The following HCK variants were observed in gnomAD, a reference collection of about 807,000 sequenced individuals.
HCK encodes the protein HCK proto-oncogene, Src family tyrosine kinase, also known as tyrosine-protein kinase HCK.
A neutral mutation model predicts 70.4 loss-of-function variants in HCK; 40 were observed. The observed-to-expected ratio is 0.57, with a 90% CI of 0.44 to 0.74. The LOEUF is 0.74. Among genes scored for constraint, HCK ranks in the 30% least tolerant of loss-of-function variants. HCK has a pLI of 0.00. For synonymous variants in HCK, 245 were observed against 263.2 expected (o/e 0.93, Z 0.67); for missense variants, 568 against 697.2 (o/e 0.81, Z 2.09).
intron 8 of HCK, 115 bp downstream of exon 8, chr20:32,084,658 G>A (rs547926869): frequency 1.1e-6 from 1 of 922,328 alleles, no homozygotes; most frequent in Non-Finnish European, 1.6e-6. Flanking sequence ...CAGAGGGGGA[G>A]ATTTAAATAA....
intron 1 of HCK, 87 bp from the exon 2 acceptor site, chr20:32,071,575 G>A (rs2045538973): frequency 1.3e-6 from 2 of 1,545,190 alleles, no homozygotes; most frequent in African/African-American, 1.4e-5. Context: ...CAGCCCGGGG[G>A]CAGGGGACCT....
intron 1 of HCK, chr20:32,054,221 A>G: frequency 4.4e-6 from 2 of 456,492 alleles, no homozygotes; most frequent in Non-Finnish European, 8.8e-6. Context: ...CCCAGGGGCA[A>G]CCGCTGTCAT....
At chr20:32,061,462 A>G (rs2045375170) in intron 1 of HCK, among the ~76,000 whole-genome samples, 1 of 152,230 alleles carries the variant, frequency 6.6e-6, no homozygotes, top group Non-Finnish European at 1.5e-5. Context: ...CCGCTGATCA[A>G]TTTCTCCAGT....
Position 32,066,331 on chromosome 20 carries a change from T to TTTTTTTG in HCK, c.63-5331_63-5330insTTTTTTG, listed in dbSNP as rs60044994. On this transcript the variant is annotated intron_variant, in intron 1 of 12. Coordinates refer to ENST00000375852, the MANE Select transcript of HCK (RefSeq NM_002110.5). ...TTTTTTTTTTTTTTTTTTTTTTTTTTGACAGAGTCTTGCTCTGTTTCCCAG... is the reference window on the plus strand; with the variant it reads ...TTTTTTTTTTTTTTTTTTTTTTTTTTTTTTTTGGACAGAGTCTTGCTCTGTTTCCCAG... 7.3e-5 allele frequency among the ~76,000 whole-genome samples: 6 copies of TTTTTTTG among 81,878 alleles called. 2 individuals carry two copies. The highest frequency in any genetic ancestry group is 4.7e-4 in the South Asian group (1 of 2,136). 53.7% of individuals were successfully genotyped at this position (81,878 alleles called of 152,430 possible).
chr20:32,076,196 C>T (rs1227047029), intron 5 of HCK, among the ~76,000 whole-genome samples: 6 of 152,154 alleles, frequency 3.9e-5, no homozygotes, highest in East Asian at 1.9e-4. Context: ...TGTGGTGGTG[C>T]GTGCCTGTAG....
intron 5 of HCK, among the ~76,000 whole-genome samples, chr20:32,075,692 A>C (rs1323836818): frequency 6.6e-6 from 1 of 151,154 alleles, no homozygotes; most frequent in Non-Finnish European, 1.5e-5. Context: ...TCATCCATCC[A>C]TCCATCCATC....
rs935383523 is a variant in HCK, at chr20:32,083,754, C to G, written c.533-140C>G. The G allele has an allele frequency of 1.4e-5, 13 of 934,134 alleles. No individual in the cohort carries two copies. In the South Asian group the frequency reaches 1.5e-4, roughly 11 times the overall value. 57.9% of individuals were successfully genotyped at this position (934,134 alleles called of 1,614,324 possible). A position where few individuals can be genotyped will look rare whatever the true frequency, so the allele number is the denominator to read the frequency against. ...GAGAGCCCAGGATGCCTGGCTCCCA[C>G]AGCCCACTCAGACCCTCGGGCACTT... On this transcript the variant is annotated intron_variant, in intron 6 of 12. Transcript: ENST00000375852.
intron 1 of HCK, 112 bp from the exon 2 acceptor site, chr20:32,071,550 A>G (rs2122524528): frequency 7.4e-7 from 1 of 1,353,304 alleles, no homozygotes; most frequent in East Asian, 2.3e-5. Flanking sequence ...TAAGACCGGG[A>G]AGGCCAGTGG....
chr20:32,083,002 C>T (rs2045728798), intron 6 of HCK, among the ~76,000 whole-genome samples: 1 of 152,144 alleles, frequency 6.6e-6, no homozygotes, highest in Admixed American at 6.5e-5. Context: ...AGTAGTCTGA[C>T]CTCACTGGGC....
At chr20:32,059,419 CTCTT>C (rs3073296) in intron 1 of HCK, among the ~76,000 whole-genome samples, 2 of 145,180 alleles carry the variant, frequency 1.4e-5, no homozygotes, top group African/African-American at 2.6e-5. Context: ...TTCTCTCTCT[CTCTT>C]TCTTTCTTTT....
intron 10 of HCK, among the ~76,000 whole-genome samples, chr20:32,090,482 A>C (rs1197389650): frequency 6.6e-6 from 1 of 152,192 alleles, no homozygotes; most frequent in East Asian, 1.9e-4. Flanking sequence ...AGCTGCATAT[A>C]TACAAACAGG....
At chr20:32,062,361 G>T (rs975229768) in intron 1 of HCK, among the ~76,000 whole-genome samples, 7 of 152,196 alleles carry the variant, frequency 4.6e-5, no homozygotes, top group African/African-American at 1.7e-4. Context: ...GCCTGCCTTA[G>T]AGATAAAATC....
At chr20:32,100,060 T>C (rs1277656785) in intron 12 of HCK, among the ~76,000 whole-genome samples, 3 of 152,040 alleles carry the variant, frequency 2.0e-5, no homozygotes, top group African/African-American at 7.2e-5. Flanking sequence ...CCACCATGTC[T>C]GGCTATTTTT....
intron 1 of HCK, among the ~76,000 whole-genome samples, chr20:32,070,244 G>C (rs1458369051): frequency 3.3e-5 from 5 of 152,164 alleles, no homozygotes; most frequent in Middle Eastern, 3.4e-3. Context: ...GCTCCCCACT[G>C]TCCACGCCTC....
At chr20:32,065,939 G>A (rs1054053105) in intron 1 of HCK, among the ~76,000 whole-genome samples, 1 of 152,206 alleles carries the variant, frequency 6.6e-6, no homozygotes, top group Non-Finnish European at 1.5e-5. Context: ...ATGTTCACAT[G>A]AATCGCCTGG....
At chr20:32,100,435 G>A (rs1488401949) in intron 12 of HCK, among the ~76,000 whole-genome samples, 1 of 152,162 alleles carries the variant, frequency 6.6e-6, no homozygotes, top group African/African-American at 2.4e-5. Flanking sequence ...CGTTTCAAAA[G>A]GAGAAAAGAT....
intron 1 of HCK, among the ~76,000 whole-genome samples, chr20:32,064,023 A>T (rs370167095): frequency 5.9e-5 from 4 of 68,024 alleles, no homozygotes; most frequent in Admixed American, 4.4e-4. Flanking sequence ...TTTTTTTTTG[A>T]GATAGAGTCT....
rs965597422 is a variant in HCK, at chr20:32,062,554, T to C, written c.63-9108T>C. Among the ~76,000 whole-genome samples the C allele has an allele frequency of 4.6e-5, 7 of 152,316 alleles. No homozygotes were observed. In the South Asian group the frequency reaches 1.2e-3, roughly 27 times the overall value. On this transcript the variant is annotated intron_variant, in intron 1 of 12. Coordinates refer to ENST00000375852, the MANE Select transcript of HCK (RefSeq NM_002110.5). Reference sequence around the variant, plus strand: ...AAGCCCTGAGTTCTCCTTTAGTGTGTTGCTCTGTCGCTCGCCATCGTGTGA... The same window carrying C: ...AAGCCCTGAGTTCTCCTTTAGTGTGCTGCTCTGTCGCTCGCCATCGTGTGA...
chr20:32,052,724 T>G (rs971738221), intron 1 of HCK, among the ~76,000 whole-genome samples: 1 of 146,936 alleles, frequency 6.8e-6, no homozygotes, highest in Non-Finnish European at 1.5e-5. Context: ...AAGGGGACGC[T>G]CGGGCCCGTG....
Sources: allele counts gnomAD v4.1 joint callset (sites outside exome capture counted in the v4.1 genomes callset), GRCh38; gene constraint gnomAD v4.1.1; transcripts MANE v1.5; gene names NCBI Gene and HGNC (gene_info 2026-07-23, HGNC 2026-07-21).